F2R: variants seen among roughly 807,000 people sequenced by gnomAD.
F2R encodes the protein proteinase-activated receptor 1.
F2R carries 12 observed loss-of-function variants against 18.3 expected under a neutral mutation model. That is an observed-to-expected ratio of 0.66 (90% CI 0.42 to 1.06). F2R has a LOEUF of 1.06. Ranked by LOEUF, F2R falls within the 50% of genes least tolerant of loss-of-function variation. The pLI, the probability that F2R is intolerant of heterozygous loss-of-function variation, is 0.00. For synonymous variants in F2R, 210 were observed against 219.9 expected, an observed-to-expected ratio of 0.95 and a Z score of 0.40; for missense variants, 438 against 530.8, an observed-to-expected ratio of 0.83 and a Z score of 1.72.
Position 76,716,243 on chromosome 5 carries a change from G to A in F2R, c.-65G>A, listed in dbSNP as rs1748338706. 4.0e-6 allele frequency: 5 copies of A among 1,253,784 alleles called. No homozygotes were observed. The highest frequency in any genetic ancestry group is 5.1e-6 in the Non-Finnish European group (5 of 977,170). The allele number at this position is 1,253,784 out of a possible 1,614,324, so 77.7% of individuals were successfully genotyped here. ...CCCGACCCGCAGAAGTCAGGAGAGA[G>A]GGTGAAGCGGAGCAGCCCGAGGCGG... On this transcript the variant is annotated 5_prime_UTR_variant, in exon 1 of 2. Coordinates refer to ENST00000319211, the MANE Select transcript of F2R (RefSeq NM_001992.5).
At position 76,716,178 on chromosome 5, in the gene F2R, C is replaced by G. The variant is rs931000148; in HGVS notation, c.-130C>G. On this transcript the variant is annotated 5_prime_UTR_variant, in exon 1 of 2. Transcript: ENST00000319211. ...GGGTCGCTTGGACCCTGATCTTACC[C>G]GTGGGCACCCTGCGCTCTGCCTGCC... The G allele has an allele frequency of 4.7e-6, 3 of 640,054 alleles. No homozygotes were observed. Among genetic ancestry groups the G allele is most frequent in the Non-Finnish European group, 7.0e-6 (3 of 428,520 alleles). The allele number at this position is 640,054 out of a possible 1,614,324, so 39.6% of individuals were successfully genotyped here.
In F2R at chr5:76,732,667, G is replaced by A. The variant is rs754868290; in HGVS notation, c.442G>A (p.Asp148Asn). Residue 148 changes from aspartate (D) to asparagine (N), a missense_variant, in exon 2 of 2, where the codon GAT becomes AAT. Asp to Asn is a conservative substitution (Grantham distance 23). Transcript: ENST00000319211. ...VVYMLHLATA[D>N]VLFVSVLPFK... Reference sequence around the variant, plus strand: ...GTACATGCTGCACCTGGCCACGGCAGATGTGCTGTTTGTGTCTGTGCTCCC... The same window carrying A: ...GTACATGCTGCACCTGGCCACGGCAAATGTGCTGTTTGTGTCTGTGCTCCC... 6.2e-7 allele frequency: 1 copy of A among 1,614,232 alleles called. No individual in the cohort carries two copies.
chr5:76,727,858 C>T (rs1343631136), intron 1 of F2R, among the ~76,000 whole-genome samples: 1 of 147,028 alleles, frequency 6.8e-6, no homozygotes, highest in African/African-American at 2.5e-5. Flanking sequence ...GGTTTCCGCT[C>T]ACTGTCTTTT....
Position 76,732,555 on chromosome 5 carries a change from C to T in F2R, c.330C>T (p.Thr110=), listed in dbSNP as rs138966592. The T allele has an allele frequency of 1.9e-5, 31 of 1,614,162 alleles. No homozygotes were observed. The highest frequency in any genetic ancestry group is 1.6e-4 in the Middle Eastern group (1 of 6,062). Residue 110 remains threonine, a synonymous_variant, in exon 2 of 2, where the codon ACC becomes ACT. Coordinates refer to ENST00000319211, the MANE Select transcript of F2R (RefSeq NM_001992.5). ...WLTLFVPSVY[T]GVFVVSLPLN... The stretch of plus-strand genomic sequence containing the variant: ...CACTCTTTGTCCCATCTGTGTACAC[C>T]GGAGTGTTTGTAGTCAGCCTCCCAC...
intron 1 of F2R, among the ~76,000 whole-genome samples, chr5:76,727,499 A>G (rs1748585743): frequency 6.6e-6 from 1 of 152,162 alleles, no homozygotes; most frequent in Non-Finnish European, 1.5e-5. Flanking sequence ...GGAGACATTC[A>G]TTCCTTCCCT....
chr5:76,733,409 GCAGTTATAA>G lies in F2R; in HGVS notation c.1188_1196del (p.Tyr397_Ser399del). 1 of 1,614,200 alleles carries G rather than the reference GCAGTTATAA, an allele frequency of 6.2e-7. No homozygotes were observed. On this transcript the variant is annotated inframe_deletion, in exon 2 of 2. Transcript: ENST00000319211. ...TGCTGCAAAGAAAGTTCCGATCCCAGCAGTTATAACAGCAGTGGGCAGTTGATGGCAAGT... is the reference window on the plus strand; with the variant it reads ...TGCTGCAAAGAAAGTTCCGATCCCAGCAGCAGTGGGCAGTTGATGGCAAGT...
chr5:76,732,597 C>G lies in F2R; in HGVS notation c.372C>G (p.Ile124Met). 9 of 1,614,138 alleles carry G rather than the reference C, an allele frequency of 5.6e-6. No individual in the cohort carries two copies. The highest frequency in any genetic ancestry group is 6.8e-6 in the Non-Finnish European group (8 of 1,180,038). Residue 124 changes from isoleucine to methionine, a missense_variant, in exon 2 of 2, where the codon ATC becomes ATG. Transcript: ENST00000319211. ...VVSLPLNIMAIVVFILKMKVK... is the reference protein window; with the variant it reads ...VVSLPLNIMAMVVFILKMKVK... Reference sequence around the variant, plus strand: ...GCCTCCCACTAAACATCATGGCCATCGTTGTGTTCATCCTGAAAATGAAGG... The same window carrying G: ...GCCTCCCACTAAACATCATGGCCATGGTTGTGTTCATCCTGAAAATGAAGG...
At chr5:76,725,854 A>G (rs762193201) in intron 1 of F2R, among the ~76,000 whole-genome samples, 3 of 152,212 alleles carry the variant, frequency 2.0e-5, no homozygotes, top group Admixed American at 6.5e-5. Flanking sequence ...TAAAACAAGT[A>G]CTTACTGCCT....
At chr5:76,716,717 C>T (rs776283665) in intron 1 of F2R, 4 of 688,870 alleles carry the variant, frequency 5.8e-6, no homozygotes, top group African/African-American at 3.6e-5. Context: ...TGTGTTTCTC[C>T]CAGGACCACC....
Position 76,733,564 on chromosome 5 carries a change from C to A in F2R, c.*61C>A, listed in dbSNP as rs151014270. ...TATAAAAGTGAATAACCTGAGGATT[C>A]TATTAGTCCCCACCCAAACTTTATT... is the stretch of plus-strand genomic sequence containing the variant. On this transcript the variant is annotated 3_prime_UTR_variant, in exon 2 of 2. Coordinates refer to ENST00000319211, the MANE Select transcript of F2R (RefSeq NM_001992.5). The A allele has an allele frequency of 4.1e-4, 546 of 1,323,366 alleles. 2 individuals are homozygous for A. In the African/African-American group the frequency reaches 7.5e-3, roughly 18 times the overall value. The allele number at this position is 1,323,366 out of a possible 1,614,324, so 82.0% of individuals were successfully genotyped here.
At chr5:76,718,839 C>T (rs917566230) in intron 1 of F2R, among the ~76,000 whole-genome samples, 1 of 152,204 alleles carries the variant, frequency 6.6e-6, no homozygotes, top group African/African-American at 2.4e-5. Context: ...TCAAGAATAG[C>T]TGGTGGTGAC....
At position 76,734,933 on chromosome 5, in the gene F2R, A is replaced by G. The variant is rs1220228647; in HGVS notation, c.*1430A>G. 1 of 152,398 alleles carries G rather than the reference A, an allele frequency of 6.6e-6. No individual in the cohort carries two copies. 9.4% of individuals were successfully genotyped at this position (152,398 alleles called of 1,614,324 possible). A position where few individuals can be genotyped will look rare whatever the true frequency, so the allele number is the denominator to read the frequency against. ...TTTTCTTTTAAGAATCAATCATGTC[A>G]GTCTGCTTAGAAATAACAGAAGAAA... On this transcript the variant is annotated 3_prime_UTR_variant, in exon 2 of 2. Coordinates refer to ENST00000319211, the MANE Select transcript of F2R (RefSeq NM_001992.5).
In F2R at chr5:76,732,966, C is replaced by A; in HGVS notation, c.741C>A (p.Pro247=). ...LLLKEQTIQV[P]GLNITTCHDV... is the part of the protein sequence containing the mutation. ...TCAAGGAGCAAACCATCCAGGTGCC[C>A]GGGCTCAACATCACTACCTGTCATG... The change falls in exon 2 of 2, where the codon CCC becomes CCA. Residue 247 remains proline, a synonymous_variant. Coordinates refer to ENST00000319211, the MANE Select transcript of F2R (RefSeq NM_001992.5). 1 of 1,614,130 alleles carries A rather than the reference C, an allele frequency of 6.2e-7. No individual in the cohort carries two copies. The highest frequency in any genetic ancestry group is 8.5e-7 in the Non-Finnish European group (1 of 1,180,032).
At chr5:76,725,810 G>A (rs538603034) in intron 1 of F2R, among the ~76,000 whole-genome samples, 54 of 152,264 alleles carry the variant, frequency 3.5e-4, no homozygotes, top group Middle Eastern at 3.4e-3. Context: ...CGGAAGTACC[G>A]TCTGCCTGAG....
At chr5:76,727,925 T>C (rs999979265) in intron 1 of F2R, among the ~76,000 whole-genome samples, 15 of 150,966 alleles carry the variant, frequency 9.9e-5, no homozygotes, top group East Asian at 1.9e-4. Context: ...TCTCACTCTG[T>C]TGCCCAGGCT....
At chr5:76,732,285 T>A (rs747012994) in intron 1 of F2R, 29 bp from the exon 2 acceptor site, 2 of 1,529,164 alleles carry the variant, frequency 1.3e-6, no homozygotes, top group Middle Eastern at 1.8e-4. Context: ...ACTTTTTACA[T>A]TTAAAATTTT....
chr5:76,718,852 T>G (rs1440969408), intron 1 of F2R, among the ~76,000 whole-genome samples: 6 of 152,200 alleles, frequency 3.9e-5, no homozygotes, highest in African/African-American at 1.4e-4. Flanking sequence ...GTGGTGACTA[T>G]GACAGAGAGA....
intron 1 of F2R, among the ~76,000 whole-genome samples, chr5:76,728,574 A>AT (rs1272013079): frequency 5.4e-5 from 8 of 149,368 alleles, no homozygotes; most frequent in Non-Finnish European, 8.9e-5. Context: ...TATACATCAT[A>AT]TTTTTTATTC....
In F2R at chr5:76,719,083, A is replaced by G. The variant is rs2227823; in HGVS notation, c.88+2688A>G. 4.5e-3 allele frequency among the ~76,000 whole-genome samples: 684 copies of G among 152,318 alleles called. 5 individuals carry two copies. Among genetic ancestry groups the G allele is most frequent in the Non-Finnish European group, 6.0e-3 (411 of 68,030 alleles). ...TGTCCGCATGCCACTCCCTCTGGCC[A>G]GAATGCCCTCCCCATATCCCATACC... On this transcript the variant is annotated intron_variant, in intron 1 of 1. Transcript: ENST00000319211.
Sources: allele counts gnomAD v4.1 joint callset (sites outside exome capture counted in the v4.1 genomes callset), GRCh38; gene constraint gnomAD v4.1.1; transcripts MANE v1.5; gene names NCBI Gene and HGNC (gene_info 2026-07-23, HGNC 2026-07-21).